NELL1: variants seen among roughly 807,000 people sequenced by gnomAD.
The protein encoded by NELL1 is protein kinase C-binding protein NELL1.
A neutral mutation model predicts 107.4 loss-of-function variants in NELL1; 76 were observed. The ratio of observed to expected loss-of-function variants is 0.71; its 90% CI spans 0.59 to 0.86. The LOEUF (loss-of-function observed/expected upper bound fraction) is 0.86, where lower values mean the gene tolerates loss of function less well. NELL1 is among the 40% of genes least tolerant of loss of function. The pLI is 0.00. For missense variants in NELL1, 1,024 were observed against 1,005.5 expected, an observed-to-expected ratio of 1.02 and a Z score of -0.25; for synonymous variants, 353 against 341.2, an observed-to-expected ratio of 1.03 and a Z score of -0.38.
chr11:20,826,061 C>T (rs1857876789), intron 3 of NELL1, among the ~76,000 whole-genome samples: 1 of 151,296 alleles, frequency 6.6e-6, no homozygotes, highest in Non-Finnish European at 1.5e-5. Context: ...CTTCCTACCA[C>T]CATGTGAAGA....
intron 13 of NELL1, among the ~76,000 whole-genome samples, chr11:21,228,464 G>A (rs1215358998): frequency 6.6e-6 from 1 of 152,020 alleles, no homozygotes; most frequent in East Asian, 1.9e-4. Flanking sequence ...ACTGCTGAAG[G>A]CCCTTAAACA....
intron 14 of NELL1, among the ~76,000 whole-genome samples, chr11:21,337,832 C>CT (rs1408357280): frequency 0.021 from 623 of 29,102 alleles, 27 homozygotes; most frequent in African/African-American, 0.068. Context: ...TTCTTTCTTT[C>CT]TTTCTTTTCT....
intron 14 of NELL1, among the ~76,000 whole-genome samples, chr11:21,263,924 A>G (rs1350637717): frequency 1.3e-5 from 2 of 151,984 alleles, no homozygotes; most frequent in East Asian, 1.9e-4. Context: ...GCTCTTAAAT[A>G]TATAACTTTA....
chr11:21,035,383 A>G (rs1853063322), intron 12 of NELL1, among the ~76,000 whole-genome samples: 1 of 152,044 alleles, frequency 6.6e-6, no homozygotes, highest in Non-Finnish European at 1.5e-5. Context: ...TGAGGCCAGC[A>G]TCATCCTAAT....
intron 2 of NELL1, among the ~76,000 whole-genome samples, chr11:20,780,367 A>G (rs1256128425): frequency 1.6e-4 from 25 of 152,110 alleles, no homozygotes; most frequent in African/African-American, 9.6e-5. Context: ...TCCAAAAGAT[A>G]TATTACTTTC....
chr11:20,825,646 C>T (rs201791940), intron 3 of NELL1, among the ~76,000 whole-genome samples: 3 of 151,472 alleles, frequency 2.0e-5, no homozygotes, highest in East Asian at 3.9e-4. Context: ...AATACCTGTA[C>T]CTCCATTGTA....
chr11:20,784,314 G>C (rs147528981), intron 3 of NELL1, among the ~76,000 whole-genome samples: 12 of 152,294 alleles, frequency 7.9e-5, no homozygotes, highest in African/African-American at 2.6e-4. Flanking sequence ...ATAAAGGTAA[G>C]AGCAGTCATT....
chr11:20,899,746 A>C (rs1849831002), intron 5 of NELL1, among the ~76,000 whole-genome samples: 1 of 152,172 alleles, frequency 6.6e-6, no homozygotes, highest in African/African-American at 2.4e-5. Context: ...GAAGGCATAA[A>C]TATATTAGAA....
At chr11:21,494,567 A>C (rs1471173296) in intron 15 of NELL1, among the ~76,000 whole-genome samples, 1 of 151,932 alleles carries the variant, frequency 6.6e-6, no homozygotes, top group African/African-American at 2.4e-5. Flanking sequence ...ACATGGTATT[A>C]TACTATATAT....
At chr11:20,916,911 G>C (rs904692523) in intron 5 of NELL1, among the ~76,000 whole-genome samples, 2 of 151,858 alleles carry the variant, frequency 1.3e-5, no homozygotes, top group Non-Finnish European at 2.9e-5. Context: ...CATAGAAGGT[G>C]GCTAACTTAT....
At chr11:21,067,513 T>C (rs1853905432) in intron 12 of NELL1, among the ~76,000 whole-genome samples, 1 of 152,162 alleles carries the variant, frequency 6.6e-6, no homozygotes, top group Admixed American at 6.6e-5. Context: ...CAGAGGAATA[T>C]CTTCAGAAAT....
chr11:21,507,605 A>C (rs1055162522), intron 15 of NELL1, among the ~76,000 whole-genome samples: 1 of 152,180 alleles, frequency 6.6e-6, no homozygotes, highest in African/African-American at 2.4e-5. Flanking sequence ...TGAGCATAGA[A>C]GAAAGACTTT....
At chr11:21,411,818 TG>T (rs1400965531) in intron 15 of NELL1, among the ~76,000 whole-genome samples, 1 of 152,072 alleles carries the variant, frequency 6.6e-6, no homozygotes, top group Non-Finnish European at 1.5e-5. Context: ...GGCACAACTA[TG>T]AGGTTCAATG....
intron 14 of NELL1, among the ~76,000 whole-genome samples, chr11:21,277,781 C>T (rs1044295813): frequency 3.9e-5 from 6 of 152,176 alleles, no homozygotes; most frequent in Non-Finnish European, 7.3e-5. Flanking sequence ...CCATCATCCT[C>T]AGCAAACTGT....
chr11:21,088,059 C>CTGTGTGTGTG (rs56900585), intron 12 of NELL1, among the ~76,000 whole-genome samples: 93 of 136,066 alleles, frequency 6.8e-4, no homozygotes, highest in Middle Eastern at 3.6e-3. Context: ...CCCAGTAGCT[C>CTGTGTGTGTG]TGTGTGTGTG....
chr11:21,106,435 T>C (rs1355419629), intron 12 of NELL1, among the ~76,000 whole-genome samples: 1 of 152,178 alleles, frequency 6.6e-6, no homozygotes, highest in Non-Finnish European at 1.5e-5. Flanking sequence ...CACTGTTTCT[T>C]ATCACACCTT....
At chr11:21,229,043 C>T (rs1276293867) in intron 13 of NELL1, among the ~76,000 whole-genome samples, 2 of 151,938 alleles carry the variant, frequency 1.3e-5, no homozygotes, top group African/African-American at 4.8e-5. Flanking sequence ...TCTGTGAAAA[C>T]CTTTTTAGAA....
At chr11:20,695,274 A>G (rs74660230) in intron 2 of NELL1, among the ~76,000 whole-genome samples, 5,351 of 152,122 alleles carry the variant, frequency 0.035, 320 homozygotes, top group African/African-American at 0.12. Flanking sequence ...TCCTATTTGG[A>G]TGCCTTTAAT....
At chr11:21,284,039 G>A (rs538671946) in intron 14 of NELL1, 52 of 363,268 alleles carry the variant, frequency 1.4e-4, no homozygotes, top group African/African-American at 1.1e-3. Context: ...TGTGGACTTT[G>A]AGGGAATGTC....
Sources: allele counts gnomAD v4.1 joint callset (sites outside exome capture counted in the v4.1 genomes callset), GRCh38; gene constraint gnomAD v4.1.1; transcripts MANE v1.5; gene names NCBI Gene and HGNC (gene_info 2026-07-23, HGNC 2026-07-21).